FLYWCH1: variants seen among roughly 807,000 people sequenced by gnomAD.
FLYWCH1 encodes FLYWCH-type zinc finger-containing protein 1.
Under a neutral mutation model 66.4 loss-of-function variants are expected in FLYWCH1, and 75 were observed. That is an observed-to-expected ratio of 1.13 (90% CI 0.94 to 1.37). The LOEUF (loss-of-function observed/expected upper bound fraction) is 1.37. FLYWCH1 is among the 40% of genes most tolerant of loss of function. The pLI, the probability that FLYWCH1 is intolerant of heterozygous loss-of-function variation, is 0.00. For missense variants in FLYWCH1, 1,334 were observed against 1,001.8 expected (o/e 1.33, Z -4.48); for synonymous variants, 595 against 429.9 (o/e 1.38, Z -4.75).
intron 9 of FLYWCH1, among the ~76,000 whole-genome samples, chr16:2,946,882 C>T (rs2071508641): frequency 6.6e-6 from 1 of 152,070 alleles, no homozygotes; most frequent in African/African-American, 2.4e-5. Flanking sequence ...AACTGGAACC[C>T]TCATACTCTC....
At chr16:2,931,657 T>C (rs1377326875) in intron 4 of FLYWCH1, among the ~76,000 whole-genome samples, 1 of 152,002 alleles carries the variant, frequency 6.6e-6, no homozygotes, top group African/African-American at 2.4e-5. Context: ...CATGCAATTC[T>C]AGTGTCCATT....
chr16:2,949,269 G>A lies in FLYWCH1; in HGVS notation c.*542G>A, dbSNP rs2071606099. 1 of 153,000 alleles carries A rather than the reference G, an allele frequency of 6.5e-6. No individual in the cohort carries two copies. Among genetic ancestry groups the A allele is most frequent in the African/African-American group, 2.4e-5 (1 of 41,452 alleles). 9.5% of individuals were successfully genotyped at this position (153,000 alleles called of 1,614,324 possible). ...CCTGGTCTCTGGCCGCCTGCTGCCAGGGTGTGGCCATCCCCAGCAACCGGA... is the reference window on the plus strand; with the variant it reads ...CCTGGTCTCTGGCCGCCTGCTGCCAAGGTGTGGCCATCCCCAGCAACCGGA... On this transcript the variant is annotated 3_prime_UTR_variant, in exon 10 of 10. Transcript: ENST00000253928.
At chr16:2,927,062 G>A (rs371971377) in intron 2 of FLYWCH1, among the ~76,000 whole-genome samples, 18 of 152,354 alleles carry the variant, frequency 1.2e-4, no homozygotes, top group East Asian at 9.6e-4. Flanking sequence ...CCGAGCTTCA[G>A]TATTGGCTGC....
rs760115287 is a variant in FLYWCH1 at position 2,949,091 on chromosome 16, C to T, written c.*364C>T. ...AGCCTTCCTAGGGCTTTCCACCTGG[C>T]GAGGCCCCGCTCTGCTCAGCACGGT... is the stretch of plus-strand genomic sequence containing the variant. On this transcript the variant is annotated 3_prime_UTR_variant, in exon 10 of 10. Transcript: ENST00000253928. 7 of 331,960 alleles carry T rather than the reference C, an allele frequency of 2.1e-5. No homozygotes were observed. The highest frequency in any genetic ancestry group is 3.5e-5 in the Non-Finnish European group (6 of 172,356). 20.6% of individuals were successfully genotyped at this position (331,960 alleles called of 1,614,324 possible). A position where few individuals can be genotyped will look rare whatever the true frequency, so the allele number is the denominator to read the frequency against.
In FLYWCH1 at chr16:2,933,625, C is replaced by T. The variant is rs558111404; in HGVS notation, c.1249+43C>T. 9.0e-6 allele frequency: 14 copies of T among 1,563,518 alleles called. No homozygotes were observed. The South Asian group carries it at 1.3e-4, about 15-fold the overall frequency. On this transcript the variant is annotated intron_variant, in intron 5 of 9. Transcript: ENST00000253928. ...GGGGCTCACCGGCCCTGCCTTGACTCTTGCCTCCAGAGGTCCAGGGAGGGA... is the reference window on the plus strand; with the variant it reads ...GGGGCTCACCGGCCCTGCCTTGACTTTTGCCTCCAGAGGTCCAGGGAGGGA...
chr16:2,925,752 A>T lies in FLYWCH1; in HGVS notation c.-73-3861A>T, dbSNP rs1048495345. Among the ~76,000 whole-genome samples, 5 of 151,252 alleles carry T rather than the reference A, an allele frequency of 3.3e-5. No individual in the cohort carries two copies. In the East Asian group the frequency reaches 9.8e-4, roughly 30 times the overall value. On this transcript the variant is annotated intron_variant, in intron 2 of 9. Transcript: ENST00000253928. ...GAACAGGCTGGGCCGGGGCTGGGGG[A>T]GGTGTGGTGGGACTGGCCCTCCTGG...
chr16:2,938,335 C>T lies in FLYWCH1; in HGVS notation c.1929C>T (p.Ala643=). 1 of 1,606,762 alleles carries T rather than the reference C, an allele frequency of 6.2e-7. No homozygotes were observed. Among genetic ancestry groups the T allele is most frequent in the Non-Finnish European group, 8.5e-7 (1 of 1,176,388 alleles). The change falls in exon 8 of 10, where the codon GCC becomes GCT. Residue 643 remains alanine (A), a synonymous_variant. Transcript: ENST00000253928. ...DQARLGCRSR[A]ITQGHRIMVM... ...CTCGGCTGGGCTGCCGCAGCCGCGC[C>T]ATAACCCAGGGCCACCGCATCATGG...
At chr16:2,938,131 C>A in intron 7 of FLYWCH1, 53 bp from the exon 8 acceptor site, 1 of 1,560,680 alleles carries the variant, frequency 6.4e-7, no homozygotes, top group African/African-American at 1.4e-5. Context: ...AGACCCCCAG[C>A]CCTGCCACCC....
At chr16:2,943,194 A>G (rs1453364786) in intron 9 of FLYWCH1, 1 of 152,114 alleles carries the variant, frequency 6.6e-6, no homozygotes, top group Non-Finnish European at 1.5e-5. Flanking sequence ...CCCCCAGTGA[A>G]AACCCTGGAC....
intron 9 of FLYWCH1, among the ~76,000 whole-genome samples, chr16:2,945,506 A>AT (rs2151023478): frequency 7.7e-6 from 1 of 130,216 alleles, no homozygotes; most frequent in South Asian, 2.4e-4. Flanking sequence ...AAAAAAAAAA[A>AT]TTAGCCAGGC....
chr16:2,918,396 C>T (rs925844876), intron 2 of FLYWCH1, among the ~76,000 whole-genome samples: 5 of 151,718 alleles, frequency 3.3e-5, no homozygotes, highest in African/African-American at 9.7e-5. Flanking sequence ...ATCCGCCTGC[C>T]TTGGCCTTCT....
At position 2,929,694 on chromosome 16, in the gene FLYWCH1, G is replaced by C; in HGVS notation, c.9G>C (p.Leu3=). 1 of 1,611,172 alleles carries C rather than the reference G, an allele frequency of 6.2e-7. No homozygotes were observed. The highest frequency in any genetic ancestry group is 8.5e-7 in the Non-Finnish European group (1 of 1,178,788). The change falls in exon 3 of 10, where the codon CTG becomes CTC. Residue 3 remains leucine (L), a synonymous_variant. Coordinates refer to ENST00000253928, the MANE Select transcript of FLYWCH1 (RefSeq NM_001308068.2). MP[L]PEPSEQEGES... is the part of the protein sequence containing the mutation. The stretch of plus-strand genomic sequence containing the variant: ...AGGCCCTGGGTCCCGGGATGCCCCT[G>C]CCCGAGCCCAGCGAGCAGGAGGGCG...
At chr16:2,947,116 A>G (rs1163558266) in intron 9 of FLYWCH1, among the ~76,000 whole-genome samples, 1 of 152,150 alleles carries the variant, frequency 6.6e-6, no homozygotes, top group Non-Finnish European at 1.5e-5. Flanking sequence ...AATGAAATAC[A>G]GTCTATTTAT....
Position 2,924,059 on chromosome 16 carries a change from G to A in FLYWCH1, c.-73-5554G>A, listed in dbSNP as rs983557795. Among the ~76,000 whole-genome samples the A allele has an allele frequency of 3.9e-5, 6 of 152,064 alleles. No individual in the cohort carries two copies. In the South Asian group the frequency reaches 8.3e-4, roughly 21 times the overall value. ...AAAAAGGTAAAAAGCTGGCCGGCACGGTGACTCACGCCGGTAATCCCAGTA... is the reference window on the plus strand; with the variant it reads ...AAAAAGGTAAAAAGCTGGCCGGCACAGTGACTCACGCCGGTAATCCCAGTA... On this transcript the variant is annotated intron_variant, in intron 2 of 9. Coordinates refer to ENST00000253928, the MANE Select transcript of FLYWCH1 (RefSeq NM_001308068.2).
At chr16:2,935,646 C>T (rs1469521919) in intron 6 of FLYWCH1, 1 of 152,148 alleles carries the variant, frequency 6.6e-6, no homozygotes, top group African/African-American at 2.4e-5. Flanking sequence ...GCAGCCTGGC[C>T]TCCGTGGTGT....
At chr16:2,927,082 T>C (rs1224924678) in intron 2 of FLYWCH1, among the ~76,000 whole-genome samples, 1 of 152,100 alleles carries the variant, frequency 6.6e-6, no homozygotes, top group Non-Finnish European at 1.5e-5. Context: ...CCTCCAGAGG[T>C]CCAATACAGA....
intron 2 of FLYWCH1, among the ~76,000 whole-genome samples, chr16:2,927,650 A>T (rs977180425): frequency 2.0e-5 from 3 of 152,210 alleles, no homozygotes; most frequent in Admixed American, 2.0e-4. Flanking sequence ...TTGGTCGTCT[A>T]AAAAAGAATT....
chr16:2,912,904 T>C (rs2070040103), intron 1 of FLYWCH1: 1 of 152,222 alleles, frequency 6.6e-6, no homozygotes, highest in Non-Finnish European at 1.5e-5. Flanking sequence ...TGGCTTATTT[T>C]TATTTGCATA....
intron 2 of FLYWCH1, among the ~76,000 whole-genome samples, chr16:2,916,050 A>G (rs763060567): frequency 2.4e-4 from 37 of 152,048 alleles, no homozygotes; most frequent in Non-Finnish European, 2.8e-4. Flanking sequence ...TAGACTTTTT[A>G]AAGTCTGTTG....
Sources: allele counts gnomAD v4.1 joint callset (sites outside exome capture counted in the v4.1 genomes callset), GRCh38; gene constraint gnomAD v4.1.1; transcripts MANE v1.5; gene names NCBI Gene and HGNC (gene_info 2026-07-23, HGNC 2026-07-21).